TTC28: variants seen among roughly 807,000 people sequenced by gnomAD.
The protein encoded by TTC28 is tetratricopeptide repeat protein 28.
Under a neutral mutation model 198.0 loss-of-function variants are expected in TTC28, and 61 were observed. The observed-to-expected ratio is 0.31, with a 90% CI of 0.25 to 0.38. The LOEUF (loss-of-function observed/expected upper bound fraction) is 0.38. TTC28 is among the 10% of genes least tolerant of loss of function. The pLI, the probability that TTC28 is intolerant of heterozygous loss-of-function variation, is 1.00. For synonymous variants in TTC28, 1,171 were observed against 1,297.8 expected (o/e 0.90, Z 2.10); for missense variants, 2,678 against 3,164.0 (o/e 0.85, Z 3.69).
At chr22:28,274,254 T>G (rs1012382685) in intron 5 of TTC28, among the ~76,000 whole-genome samples, 3 of 152,204 alleles carry the variant, frequency 2.0e-5, no homozygotes, top group Admixed American at 2.0e-4. Flanking sequence ...AAAATTCATT[T>G]AAAAATTATT....
intron 2 of TTC28, among the ~76,000 whole-genome samples, chr22:28,617,260 G>A (rs2050918273): frequency 6.6e-6 from 1 of 151,810 alleles, no homozygotes; most frequent in Non-Finnish European, 1.5e-5. Flanking sequence ...CAGCACTTTG[G>A]GAGGCCAAGG....
intron 6 of TTC28, among the ~76,000 whole-genome samples, chr22:28,158,611 C>T (rs899491913): frequency 1.3e-5 from 2 of 152,246 alleles, no homozygotes; most frequent in Middle Eastern, 3.4e-3. Context: ...CAAATCCACA[C>T]ACCAACAGTG....
intron 2 of TTC28, among the ~76,000 whole-genome samples, chr22:28,564,930 C>A (rs2049947691): frequency 7.0e-6 from 1 of 143,664 alleles, no homozygotes; most frequent in Non-Finnish European, 1.5e-5. Flanking sequence ...TATATAATTC[C>A]AATGCAAAAA....
rs573711744 is a variant in TTC28, at chr22:28,474,378, G to A, written c.381+155174C>T. 2.9e-3 allele frequency among the ~76,000 whole-genome samples: 435 copies of A among 152,274 alleles called. 2 individuals carry two copies. The highest frequency in any genetic ancestry group is 9.7e-3 in the African/African-American group (403 of 41,580). On this transcript the variant is annotated intron_variant, in intron 2 of 22. Transcript: ENST00000397906. ...AGTACCATGTACCTCTGGAACCTGA[G>A]ATGAAGACAAGGCTAAAAACTGGAA...
intron 20 of TTC28, 117 bp downstream of exon 20, chr22:27,990,672 G>A (rs929315235): frequency 5.2e-5 from 52 of 997,522 alleles, no homozygotes; most frequent in East Asian, 1.7e-4. Flanking sequence ...GCCGCAGCCC[G>A]TGTGGCTCCG....
At chr22:28,379,927 T>C (rs954017338) in intron 2 of TTC28, among the ~76,000 whole-genome samples, 5 of 151,998 alleles carry the variant, frequency 3.3e-5, no homozygotes, top group Non-Finnish European at 5.9e-5. Context: ...TTAAATGCAA[T>C]GTGGAATCCT....
chr22:28,564,968 G>A (rs1279295365), intron 2 of TTC28, among the ~76,000 whole-genome samples: 2 of 150,382 alleles, frequency 1.3e-5, no homozygotes, highest in African/African-American at 4.9e-5. Flanking sequence ...ATGTGTTTAT[G>A]TACTATTTGG....
intron 2 of TTC28, among the ~76,000 whole-genome samples, chr22:28,432,371 C>T (rs2047446435): frequency 6.6e-6 from 1 of 151,592 alleles, no homozygotes; most frequent in Non-Finnish European, 1.5e-5. Context: ...TTTGTTAATA[C>T]TTTAAAAATT....
At chr22:28,503,200 T>C (rs758351282) in intron 2 of TTC28, among the ~76,000 whole-genome samples, 1 of 152,086 alleles carries the variant, frequency 6.6e-6, no homozygotes, top group Non-Finnish European at 1.5e-5. Flanking sequence ...ACTCCCTACA[T>C]CCTCTACTTT....
At chr22:28,273,842 T>C (rs1304217646) in intron 5 of TTC28, among the ~76,000 whole-genome samples, 1 of 151,832 alleles carries the variant, frequency 6.6e-6, no homozygotes, top group Non-Finnish European at 1.5e-5. Flanking sequence ...AAAGCAAGAA[T>C]AGAGGGAAAA....
At chr22:28,552,834 C>G (rs563835700) in intron 2 of TTC28, among the ~76,000 whole-genome samples, 6 of 150,730 alleles carry the variant, frequency 4.0e-5, no homozygotes, top group Non-Finnish European at 8.9e-5. Flanking sequence ...CCTCTGATGC[C>G]GAGCCAAAGC....
At chr22:28,663,752 G>A (rs2051794103) in intron 1 of TTC28, among the ~76,000 whole-genome samples, 1 of 139,392 alleles carries the variant, frequency 7.2e-6, no homozygotes, top group Non-Finnish European at 1.6e-5. Context: ...GCTTGCTTAG[G>A]TAAACAAAGC....
At chr22:28,432,146 C>T (rs1281769035) in intron 2 of TTC28, among the ~76,000 whole-genome samples, 2 of 151,456 alleles carry the variant, frequency 1.3e-5, no homozygotes, top group Admixed American at 6.6e-5. Context: ...ATTAGCCAGG[C>T]GTGGTGGCGG....
At chr22:28,654,031 C>T (rs1223319323) in intron 1 of TTC28, among the ~76,000 whole-genome samples, 1 of 152,046 alleles carries the variant, frequency 6.6e-6, no homozygotes, top group Non-Finnish European at 1.5e-5. Context: ...CCTTTTTTCA[C>T]TTGGGAGAAA....
At chr22:28,482,205 G>GCCT (rs2048256811) in intron 2 of TTC28, among the ~76,000 whole-genome samples, 1 of 102,762 alleles carries the variant, frequency 9.7e-6, no homozygotes, top group Admixed American at 1.4e-4. Context: ...GTAATGGGCA[G>GCCT]TCTTTTTTTT....
At chr22:28,218,536 A>G (rs929920007) in intron 5 of TTC28, among the ~76,000 whole-genome samples, 1 of 152,174 alleles carries the variant, frequency 6.6e-6, no homozygotes, top group Non-Finnish European at 1.5e-5. Context: ...TAAGTCTGCA[A>G]AAACCACAGT....
intron 3 of TTC28, among the ~76,000 whole-genome samples, chr22:28,305,370 G>T (rs188221909): frequency 6.6e-6 from 1 of 152,006 alleles, no homozygotes; most frequent in African/African-American, 2.4e-5. Flanking sequence ...TTATAAAATC[G>T]CATGACACTT....
intron 6 of TTC28, among the ~76,000 whole-genome samples, chr22:28,154,275 T>C (rs895688378): frequency 1.3e-5 from 2 of 152,074 alleles, no homozygotes; most frequent in Non-Finnish European, 2.9e-5. Flanking sequence ...TATAGAATCA[T>C]TGTTATGCAA....
At chr22:28,516,476 T>C (rs2048788772) in intron 2 of TTC28, among the ~76,000 whole-genome samples, 1 of 152,098 alleles carries the variant, frequency 6.6e-6, no homozygotes, top group Non-Finnish European at 1.5e-5. Flanking sequence ...TGGATGAAGC[T>C]GGAAACCATC....
Sources: allele counts gnomAD v4.1 joint callset (sites outside exome capture counted in the v4.1 genomes callset), GRCh38; gene constraint gnomAD v4.1.1; transcripts MANE v1.5; gene names NCBI Gene and HGNC (gene_info 2026-07-23, HGNC 2026-07-21).